TRIM2: variants seen among roughly 807,000 people sequenced by gnomAD.
The protein encoded by TRIM2 is tripartite motif-containing protein 2.
TRIM2 carries 20 observed loss-of-function variants against 75.2 expected under a neutral mutation model. That is an observed-to-expected ratio of 0.27 (90% CI 0.19 to 0.39). The LOEUF is 0.39. Among genes scored for constraint, TRIM2 ranks in the 10% least tolerant of loss-of-function variants. TRIM2 has a pLI of 1.00. For synonymous variants in TRIM2, 373 were observed against 388.3 expected (o/e 0.96, Z 0.46); for missense variants, 660 against 990.8 (o/e 0.67, Z 4.48).
At chr4:153,319,341 T>TAC (rs1003274678) in intron 8 of TRIM2, among the ~76,000 whole-genome samples, 1 of 152,228 alleles carries the variant, frequency 6.6e-6, no homozygotes, top group African/African-American at 2.4e-5. Context: ...CTGGCCACCT[T>TAC]ACTCTAAAAT....
chr4:153,333,423 T>A (rs984853016), intron 11 of TRIM2, among the ~76,000 whole-genome samples: 1 of 152,144 alleles, frequency 6.6e-6, no homozygotes, highest in Admixed American at 6.5e-5. Context: ...TAAAATGACA[T>A]AAAACTGTAC....
intron 1 of TRIM2, among the ~76,000 whole-genome samples, chr4:153,163,742 T>C (rs1435848548): frequency 1.3e-5 from 2 of 151,718 alleles, no homozygotes; most frequent in Non-Finnish European, 2.9e-5. Context: ...CCTCAGGTGA[T>C]CTGCCCGCCT....
intron 1 of TRIM2, among the ~76,000 whole-genome samples, chr4:153,192,775 C>T (rs918365112): frequency 6.6e-6 from 1 of 152,120 alleles, no homozygotes. Context: ...CCAAACACTA[C>T]CAAGGATGCT....
rs976999344 is a variant in TRIM2, at chr4:153,277,048, A to C, written c.453+918A>C. ...AAAACAAAAGGCCCAGGTATAACAA[A>C]ACCACTAAGACAAGCAAGCAATCAT... On this transcript the variant is annotated intron_variant, in intron 3 of 11. Coordinates refer to ENST00000338700, the MANE Select transcript of TRIM2 (RefSeq NM_015271.5). Among the ~76,000 whole-genome samples the C allele has an allele frequency of 5.9e-5, 9 of 152,228 alleles. 1 individual carries two copies. The highest frequency in any genetic ancestry group is 2.2e-4 in the African/African-American group (9 of 41,448).
chr4:153,324,928 G>A (rs1371670705), intron 10 of TRIM2, among the ~76,000 whole-genome samples: 2 of 152,092 alleles, frequency 1.3e-5, no homozygotes, highest in South Asian at 2.1e-4. Context: ...ATGCTGTTTT[G>A]CACTTACAGA....
intron 1 of TRIM2, among the ~76,000 whole-genome samples, chr4:153,220,014 A>G (rs1352749015): frequency 6.6e-6 from 1 of 152,260 alleles, no homozygotes; most frequent in Non-Finnish European, 1.5e-5. Flanking sequence ...CAGAGATTAA[A>G]TAGGACGTTG....
intron 1 of TRIM2, among the ~76,000 whole-genome samples, chr4:153,224,331 G>C (rs1203690755): frequency 6.6e-6 from 1 of 152,156 alleles, no homozygotes; most frequent in South Asian, 2.1e-4. Flanking sequence ...TCTCCCTTAG[G>C]GTAAATATGG....
chr4:153,222,023 A>AAGGAAGGAAGGAAAGAGCG (rs1560836276), intron 1 of TRIM2, among the ~76,000 whole-genome samples: 2,133 of 41,364 alleles, frequency 0.052, 10 homozygotes, highest in Admixed American at 0.079. Flanking sequence ...AGGAAAGAGC[A>AAGGAAGGAAGGAAAGAGCG]AGGAAGGAAG....
Position 153,336,907 on chromosome 4 carries a change from T to G in TRIM2, c.*1941T>G, listed in dbSNP as rs895141186. On this transcript the variant is annotated 3_prime_UTR_variant, in exon 12 of 12. Coordinates refer to ENST00000338700, the MANE Select transcript of TRIM2 (RefSeq NM_015271.5). ...AAAGCTATAAAATTCAATAACTTTT[T>G]AGAATGTTAAATGAAGACACTGTTT... The G allele has an allele frequency of 1.0e-6, 1 of 985,014 alleles. No individual in the cohort carries two copies. Among genetic ancestry groups the G allele is most frequent in the African/African-American group, 1.7e-5 (1 of 57,242 alleles). 61.0% of individuals were successfully genotyped at this position (985,014 alleles called of 1,614,324 possible).
At chr4:153,217,389 G>C (rs1738772831) in intron 1 of TRIM2, among the ~76,000 whole-genome samples, 1 of 152,136 alleles carries the variant, frequency 6.6e-6, no homozygotes, top group Non-Finnish European at 1.5e-5. Flanking sequence ...GCAAGATTTG[G>C]ACAGGGGAAG....
chr4:153,225,209 T>C (rs1266056083), intron 1 of TRIM2, among the ~76,000 whole-genome samples: 2 of 152,314 alleles, frequency 1.3e-5, no homozygotes, highest in African/African-American at 2.4e-5. Context: ...AAAATGACAC[T>C]GCTTGGTTTA....
chr4:153,263,859 C>T (rs1754228818), intron 1 of TRIM2, among the ~76,000 whole-genome samples: 1 of 152,154 alleles, frequency 6.6e-6, no homozygotes, highest in African/African-American at 2.4e-5. Flanking sequence ...AAAGCAGTCT[C>T]CCTCTTATCT....
At chr4:153,308,142 G>C (rs1396935301) in intron 6 of TRIM2, 1 of 1,162,484 alleles carries the variant, frequency 8.6e-7, no homozygotes, top group Non-Finnish European at 1.3e-6. Context: ...GGGAACTTCA[G>C]TTCCTTTCCT....
chr4:153,256,421 A>G (rs1752095459), intron 1 of TRIM2, among the ~76,000 whole-genome samples: 4 of 152,252 alleles, frequency 2.6e-5, no homozygotes, highest in African/African-American at 9.6e-5. Context: ...GTTTTTTAAA[A>G]TAAACATTAT....
intron 1 of TRIM2, among the ~76,000 whole-genome samples, chr4:153,186,157 C>T (rs1380735532): frequency 1.3e-5 from 2 of 152,096 alleles, no homozygotes; most frequent in Admixed American, 6.6e-5. Flanking sequence ...ATCATCTGTC[C>T]CACAACATCA....
At chr4:153,315,060 A>G (rs112607178) in intron 6 of TRIM2, among the ~76,000 whole-genome samples, 173 of 152,372 alleles carry the variant, frequency 1.1e-3, no homozygotes, top group African/African-American at 3.7e-3. Flanking sequence ...GATAGAAGAC[A>G]GAGGCAGAGT....
Position 153,295,726 on chromosome 4 carries a change from C to T in TRIM2, c.1200C>T (p.Asp400=), listed in dbSNP as rs367607996. Reference sequence around the variant, plus strand: ...TCACCGCCGAACTGAGCACCCCCGACGGGAGCGTGGCAGACGGGGAGATCC... The same window carrying T: ...TCACCGCCGAACTGAGCACCCCCGATGGGAGCGTGGCAGACGGGGAGATCC... The part of the protein sequence containing the change: ...AYLTAELSTP[D]GSVADGEILD... Residue 400 remains aspartate (D), a synonymous_variant, in exon 6 of 12, where the codon GAC becomes GAT. Coordinates refer to ENST00000338700, the MANE Select transcript of TRIM2 (RefSeq NM_015271.5). The surrounding 1 kb of genome is among the most constrained non-coding windows in gnomAD (Gnocchi z 7.2). The T allele has an allele frequency of 6.2e-6, 10 of 1,613,842 alleles. No homozygotes were observed. The African/African-American group carries it at 9.3e-5, about 15-fold the overall frequency.
chr4:153,190,169 A>C (rs1560797585), intron 1 of TRIM2, among the ~76,000 whole-genome samples: 1 of 152,226 alleles, frequency 6.6e-6, no homozygotes, highest in Non-Finnish European at 1.5e-5. Flanking sequence ...CTAGTGATTC[A>C]AGAATGAAGG....
At chr4:153,242,621 C>T (rs1469689257) in intron 1 of TRIM2, among the ~76,000 whole-genome samples, 1 of 152,186 alleles carries the variant, frequency 6.6e-6, no homozygotes, top group African/African-American at 2.4e-5. Context: ...CTTAGCAAGA[C>T]CTTTGCTTGT....
Sources: allele counts gnomAD v4.1 joint callset (sites outside exome capture counted in the v4.1 genomes callset), GRCh38; gene constraint gnomAD v4.1.1; non-coding constraint Gnocchi (gnomAD v3.1); transcripts MANE v1.5; gene names NCBI Gene and HGNC (gene_info 2026-07-23, HGNC 2026-07-21).